Variants in ROBO1 observed in about 807,000 individuals in gnomAD.
ROBO1 encodes roundabout guidance receptor 1.
ROBO1 carries 149 observed loss-of-function variants against 195.9 expected under a neutral mutation model. The ratio of observed to expected loss-of-function variants is 0.76; its 90% CI spans 0.67 to 0.87. The LOEUF (loss-of-function observed/expected upper bound fraction) is 0.87, where lower values mean the gene tolerates loss of function less well. ROBO1 is among the 40% of genes least tolerant of loss of function. The pLI is 0.00. For synonymous variants in ROBO1, 816 were observed against 733.2 expected (o/e 1.11, Z -1.82); for missense variants, 1,933 against 2,068.3 (o/e 0.93, Z 1.27).
intron 2 of ROBO1, among the ~76,000 whole-genome samples, chr3:79,541,662 T>C (rs1942071040): frequency 2.0e-5 from 3 of 151,966 alleles, no homozygotes. Flanking sequence ...AAAATTTTAG[T>C]TGTGCTTTCT....
chr3:79,661,396 C>T (rs1026453117), intron 1 of ROBO1, among the ~76,000 whole-genome samples: 2 of 152,044 alleles, frequency 1.3e-5, no homozygotes, highest in East Asian at 1.9e-4. Context: ...CAATTCTGCA[C>T]GACTACTGCA....
chr3:79,329,528 A>G (rs2034347086), intron 2 of ROBO1, among the ~76,000 whole-genome samples: 1 of 152,206 alleles, frequency 6.6e-6, no homozygotes. Context: ...CTTGTTTTTC[A>G]AAATATGTCA....
intron 2 of ROBO1, among the ~76,000 whole-genome samples, chr3:79,221,518 T>C (rs1308925943): frequency 1.3e-5 from 2 of 152,152 alleles, no homozygotes; most frequent in African/African-American, 2.4e-5. Flanking sequence ...CTTGTTTTTC[T>C]TGAATTTTTA....
At chr3:79,580,815 C>G (rs537432818) in intron 2 of ROBO1, among the ~76,000 whole-genome samples, 1 of 152,074 alleles carries the variant, frequency 6.6e-6, no homozygotes, top group Non-Finnish European at 1.5e-5. Flanking sequence ...AGTTACAATA[C>G]GTTTTTATAT....
rs1262504882 is a variant in ROBO1 at position 78,704,284 on chromosome 3, T to G, written c.1045+10113A>C. Reference sequence around the variant, plus strand: ...ACATCAAAGAAAGGAAATTCAGAACTGAAGGACCCAGTTTTTTCTCTCATT... The same window carrying G: ...ACATCAAAGAAAGGAAATTCAGAACGGAAGGACCCAGTTTTTTCTCTCATT... On this transcript the variant is annotated intron_variant, in intron 8 of 30. Transcript: ENST00000464233. Among the ~76,000 whole-genome samples, 4 of 152,240 alleles carry G rather than the reference T, an allele frequency of 2.6e-5. No individual in the cohort carries two copies. In the South Asian group the frequency reaches 8.3e-4, roughly 32 times the overall value.
chr3:79,680,688 T>C (rs1480315164), intron 1 of ROBO1, among the ~76,000 whole-genome samples: 1 of 152,020 alleles, frequency 6.6e-6, no homozygotes, highest in Non-Finnish European at 1.5e-5. Flanking sequence ...ACACTTTTTT[T>C]CCCAAGAGAG....
chr3:78,976,319 G>C (rs1184690028), intron 3 of ROBO1, among the ~76,000 whole-genome samples: 2 of 152,136 alleles, frequency 1.3e-5, no homozygotes, highest in South Asian at 2.1e-4. Flanking sequence ...TAGAGGAAAA[G>C]GATAAAGTAG....
intron 2 of ROBO1, among the ~76,000 whole-genome samples, chr3:79,489,827 T>A (rs1039182874): frequency 3.3e-5 from 5 of 152,160 alleles, no homozygotes; most frequent in Non-Finnish European, 7.4e-5. Context: ...CACCCACCAT[T>A]TTCCCAAGTC....
In ROBO1 at chr3:78,963,504, T is replaced by TG. The variant is rs1560056190; in HGVS notation, c.173-24578_173-24577insC. 5.0e-5 allele frequency among the ~76,000 whole-genome samples: 6 copies of TG among 119,764 alleles called. No homozygotes were observed. In the East Asian group the frequency reaches 1.3e-3, roughly 26 times the overall value. 78.6% of individuals were successfully genotyped at this position (119,764 alleles called of 152,430 possible). ...AGAGGAAAACCTTCAGTTTTTTTTT[T>TG]TTTTTTTTTTTTTTTTCTTTTTTTT... On this transcript the variant is annotated intron_variant, in intron 3 of 30. Coordinates refer to ENST00000464233, the MANE Select transcript of ROBO1 (RefSeq NM_002941.4).
At chr3:79,458,400 C>T (rs1321857258) in intron 2 of ROBO1, among the ~76,000 whole-genome samples, 2 of 152,078 alleles carry the variant, frequency 1.3e-5, no homozygotes. Context: ...TGCTTTCTCC[C>T]CAGCATGTCT....
intron 2 of ROBO1, among the ~76,000 whole-genome samples, chr3:79,195,075 T>C (rs1291609222): frequency 1.3e-5 from 2 of 151,550 alleles, no homozygotes; most frequent in South Asian, 2.1e-4. Flanking sequence ...AGAACACATA[T>C]AGTGATTATG....
chr3:79,681,076 C>T (rs768059271), intron 1 of ROBO1, among the ~76,000 whole-genome samples: 3 of 151,896 alleles, frequency 2.0e-5, no homozygotes, highest in Non-Finnish European at 4.4e-5. Context: ...TACCAAATCA[C>T]CTTGTGTAGT....
intron 2 of ROBO1, among the ~76,000 whole-genome samples, chr3:79,143,731 T>A (rs1450814110): frequency 6.6e-6 from 1 of 152,040 alleles, no homozygotes; most frequent in African/African-American, 2.4e-5. Context: ...AGTGGTAACA[T>A]CTTGCAAAAC....
rs143924295 is a variant in ROBO1 at position 79,047,953 on chromosome 3, C to A, written c.172+77503G>T. Among the ~76,000 whole-genome samples, 272 of 152,182 alleles carry A rather than the reference C, an allele frequency of 1.8e-3. 2 individuals are homozygous for A. Among genetic ancestry groups the A allele is most frequent in the Non-Finnish European group, 3.3e-3 (221 of 67,990 alleles). ...AAGGAAAGGCATATAGGCATATATA[C>A]TTTGACAACACTAGAAGCCTTGCCG... On this transcript the variant is annotated intron_variant, in intron 3 of 30. Transcript: ENST00000464233.
intron 8 of ROBO1, among the ~76,000 whole-genome samples, chr3:78,710,154 C>T (rs985368748): frequency 1.3e-5 from 2 of 152,076 alleles, no homozygotes; most frequent in African/African-American, 4.8e-5. Flanking sequence ...ACTGAAACTT[C>T]CCACTCGTGG....
intron 1 of ROBO1, among the ~76,000 whole-genome samples, chr3:79,756,754 T>G (rs1008056530): frequency 9.9e-5 from 15 of 152,236 alleles, no homozygotes; most frequent in African/African-American, 3.6e-4. Context: ...ATCCATCTCC[T>G]TAATGTTTTC....
intron 15 of ROBO1, 76 bp from the exon 16 acceptor site, chr3:78,661,337 T>C: frequency 2.1e-6 from 2 of 933,600 alleles, no homozygotes; most frequent in East Asian, 2.8e-5. Context: ...AAATTAAACG[T>C]TATAAAATGC....
At chr3:78,878,602 A>AC (rs1298189431) in intron 4 of ROBO1, among the ~76,000 whole-genome samples, 1 of 151,184 alleles carries the variant, frequency 6.6e-6, no homozygotes. Flanking sequence ...AAAAAAAAAA[A>AC]AAAAAACTGC....
chr3:79,593,236 A>G (rs72631223), intron 1 of ROBO1, among the ~76,000 whole-genome samples: 17,133 of 152,086 alleles, frequency 0.11, 1,127 homozygotes, highest in African/African-American at 0.17. Flanking sequence ...GCAGGTTTTT[A>G]TGTGGAGATA....
Sources: allele counts gnomAD v4.1 joint callset (sites outside exome capture counted in the v4.1 genomes callset), GRCh38; gene constraint gnomAD v4.1.1; transcripts MANE v1.5; gene names NCBI Gene and HGNC (gene_info 2026-07-23, HGNC 2026-07-21).